Variants in SIPA1L3 observed in about 807,000 individuals in gnomAD.
The protein encoded by SIPA1L3 is signal induced proliferation associated 1 like 3, also known as signal-induced proliferation-associated 1-like protein 3.
SIPA1L3 carries 59 observed loss-of-function variants against 150.1 expected under a neutral mutation model. The ratio of observed to expected loss-of-function variants is 0.39; its 90% confidence interval spans 0.32 to 0.49. SIPA1L3 has a LOEUF of 0.49. SIPA1L3 is among the 20% of genes least tolerant of loss of function. The pLI is 0.86. For synonymous variants in SIPA1L3, 1,070 were observed against 1,077.6 expected (o/e 0.99, Z 0.14); for missense variants, 2,211 against 2,489.5 (o/e 0.89, Z 2.38).
intron 1 of SIPA1L3, among the ~76,000 whole-genome samples, chr19:37,908,814 C>T (rs1264654075): frequency 1.3e-5 from 2 of 152,130 alleles, no homozygotes; most frequent in Non-Finnish European, 2.9e-5. Context: ...TCACACACCC[C>T]TCCCCACAGA....
At chr19:38,183,790 G>GGAGGTGCGGAGGCGGA (rs1041805773) in intron 16 of SIPA1L3, among the ~76,000 whole-genome samples, 4 of 151,950 alleles carry the variant, frequency 2.6e-5, no homozygotes, top group African/African-American at 4.8e-5. Flanking sequence ...GGGAAGGCGG[G>GGAGGTGCGGAGGCGGA]GAGGTGCGGA....
In SIPA1L3 at chr19:37,925,590, CTTTTTTTTTTTT is replaced by C. The variant is rs761234489; in HGVS notation, c.-379+18243_-379+18254del. Among the ~76,000 whole-genome samples, 18 of 110,764 alleles carry C rather than the reference CTTTTTTTTTTTT, an allele frequency of 1.6e-4. No homozygotes were observed. The East Asian group carries it at 3.3e-3, about 20-fold the overall frequency. 72.7% of individuals were successfully genotyped at this position (110,764 alleles called of 152,430 possible). A position where few individuals can be genotyped will look rare whatever the true frequency, so the allele number is the denominator to read the frequency against. On this transcript the variant is annotated intron_variant, in intron 1 of 21. Transcript: ENST00000222345. ...TTTTTCAGGGTTGATTGATTTATTA[CTTTTTTTTTTTT>C]TTTTTTTTTTGAGACGGAGTCTCAC... is the stretch of plus-strand genomic sequence containing the variant.
intron 1 of SIPA1L3, among the ~76,000 whole-genome samples, chr19:37,938,594 C>T (rs2046622497): frequency 6.6e-6 from 1 of 151,340 alleles, no homozygotes; most frequent in South Asian, 2.1e-4. Flanking sequence ...TTGCTCATCA[C>T]ATCTGCTTCT....
chr19:38,007,507 C>CG lies in SIPA1L3; in HGVS notation c.-378-21577dup, dbSNP rs35974136. Among the ~76,000 whole-genome samples, 4 of 150,806 alleles carry CG rather than the reference C, an allele frequency of 2.7e-5. No homozygotes were observed. The South Asian group carries it at 8.4e-4, about 32-fold the overall frequency. ...AACAAATATTGTATTTGTAATTGCC[C>CG]GGGGGAGGGGGGATTTTGGAAAATG... On this transcript the variant is annotated intron_variant, in intron 1 of 21. Transcript: ENST00000222345.
At chr19:38,031,662 T>C (rs939257029) in intron 2 of SIPA1L3, among the ~76,000 whole-genome samples, 1 of 152,250 alleles carries the variant, frequency 6.6e-6, no homozygotes, top group Non-Finnish European at 1.5e-5. Context: ...AGTTGCTGTG[T>C]GCCAGATTTC....
rs543886466 is a variant in SIPA1L3, at chr19:38,090,072, G to A, written c.1665+1221G>A. ...TGGCCAGGCGCAGTGGCTCACTCTT[G>A]TAATCCCAGCACTTTGGGAGGCCGA... is the stretch of plus-strand genomic sequence containing the variant. On this transcript the variant is annotated intron_variant, in intron 4 of 21. Coordinates refer to ENST00000222345, the MANE Select transcript of SIPA1L3 (RefSeq NM_015073.3). Among the ~76,000 whole-genome samples the A allele has an allele frequency of 1.2e-3, 183 of 152,208 alleles. 1 individual carries two copies. Among genetic ancestry groups the A allele is most frequent in the African/African-American group, 4.3e-3 (179 of 41,550 alleles).
intron 2 of SIPA1L3, among the ~76,000 whole-genome samples, chr19:38,050,411 A>G (rs1445366482): frequency 5.2e-5 from 3 of 57,364 alleles, no homozygotes; most frequent in African/African-American, 1.7e-4. Context: ...AGCCAAGATC[A>G]CACCACTGCA....
intron 1 of SIPA1L3, among the ~76,000 whole-genome samples, chr19:37,936,649 C>G (rs1214613056): frequency 6.6e-6 from 1 of 152,220 alleles, no homozygotes; most frequent in Non-Finnish European, 1.5e-5. Flanking sequence ...CCCCTCTTCT[C>G]AGAGGCAGAA....
intron 10 of SIPA1L3, among the ~76,000 whole-genome samples, chr19:38,136,013 A>G (rs748500095): frequency 6.7e-6 from 1 of 150,008 alleles, no homozygotes; most frequent in Non-Finnish European, 1.5e-5. Flanking sequence ...TCTTCCTCCT[A>G]CCCCCAGGCC....
chr19:38,171,106 T>G (rs1408683464), intron 15 of SIPA1L3, among the ~76,000 whole-genome samples: 1 of 152,118 alleles, frequency 6.6e-6, no homozygotes, highest in Admixed American at 6.5e-5. Context: ...TATGACTATT[T>G]ACCATTAACA....
At chr19:38,062,972 T>G (rs1321771821) in intron 2 of SIPA1L3, among the ~76,000 whole-genome samples, 1 of 152,078 alleles carries the variant, frequency 6.6e-6, no homozygotes, top group Non-Finnish European at 1.5e-5. Context: ...CAGACTCGAG[T>G]CAGCCAATCC....
intron 2 of SIPA1L3, among the ~76,000 whole-genome samples, chr19:38,075,648 T>G (rs2145808797): frequency 6.9e-6 from 1 of 145,280 alleles, no homozygotes. Flanking sequence ...GGCATGGTGG[T>G]GTGCACCTGT....
chr19:37,956,465 C>G (rs906261269), intron 1 of SIPA1L3, among the ~76,000 whole-genome samples: 12 of 147,352 alleles, frequency 8.1e-5, no homozygotes, highest in Non-Finnish European at 1.5e-4. Flanking sequence ...TTTAGTCATG[C>G]CTTTGGAAGT....
At chr19:38,167,591 C>A (rs1282494681) in intron 15 of SIPA1L3, among the ~76,000 whole-genome samples, 2 of 152,122 alleles carry the variant, frequency 1.3e-5, no homozygotes. Context: ...GAAACAGGGT[C>A]CTGCTCTATT....
In SIPA1L3 at chr19:38,164,007, C is replaced by T. The variant is rs531361712; in HGVS notation, c.3781-472C>T. On this transcript the variant is annotated intron_variant, in intron 14 of 21. Coordinates refer to ENST00000222345, the MANE Select transcript of SIPA1L3 (RefSeq NM_015073.3). This position sits in a 1 kb window ranked among gnomAD's most constrained non-coding sequence, Gnocchi z 4.1. ...AGGCATGGACAGGACCACGCGGAGC[C>T]GTGGAGCAGGAAGTGACAGGTCCCG... is the stretch of plus-strand genomic sequence containing the variant. 4.6e-5 allele frequency among the ~76,000 whole-genome samples: 7 copies of T among 152,126 alleles called. No homozygotes were observed. In the East Asian group the frequency reaches 7.7e-4, roughly 17 times the overall value.
chr19:38,074,105 T>G (rs1468521830), intron 2 of SIPA1L3, among the ~76,000 whole-genome samples: 2 of 152,130 alleles, frequency 1.3e-5, no homozygotes, highest in Non-Finnish European at 2.9e-5. Context: ...CAAGTGCTTT[T>G]AGGGAGGAGG....
intron 1 of SIPA1L3, among the ~76,000 whole-genome samples, chr19:37,955,157 C>T (rs1000920559): frequency 6.6e-6 from 1 of 151,052 alleles, no homozygotes; most frequent in Non-Finnish European, 1.5e-5. Flanking sequence ...TTTGGCAGGC[C>T]GAGGTGGGTA....
chr19:38,171,385 CT>C (rs1055077464), intron 15 of SIPA1L3, among the ~76,000 whole-genome samples: 8,782 of 77,878 alleles, frequency 0.11, 159 homozygotes, highest in African/African-American at 0.17. Context: ...CCTACCAAAA[CT>C]TTTTTTTTTT....
intron 1 of SIPA1L3, among the ~76,000 whole-genome samples, chr19:37,980,483 G>C (rs931402386): frequency 6.6e-6 from 1 of 152,148 alleles, no homozygotes; most frequent in African/African-American, 2.4e-5. Context: ...AAAAAGAAAG[G>C]TGTATCTTAG....
Sources: gnomAD v4.1 joint callset for allele counts (sites outside exome capture counted in the v4.1 genomes callset) on GRCh38, gnomAD v4.1.1 for gene constraint, Gnocchi (gnomAD v3.1) non-coding constraint, MANE v1.5 for transcripts, NCBI Gene and HGNC (gene_info 2026-07-23, HGNC 2026-07-21) for gene names.